ST6GALNAC5: variants seen among roughly 807,000 people sequenced by gnomAD.
ST6GALNAC5 encodes alpha-N-acetylgalactosaminide alpha-2,6-sialyltransferase 5.
Under a neutral mutation model 33.6 loss-of-function variants are expected in ST6GALNAC5, and 27 were observed. The ratio of observed to expected loss-of-function variants is 0.80; its 90% CI spans 0.59 to 1.11. The LOEUF (loss-of-function observed/expected upper bound fraction) is 1.11. ST6GALNAC5 is among the 50% of genes least tolerant of loss of function. The probability of loss-of-function intolerance (pLI) is 0.00; values close to 1 mark genes in which losing one functional copy is unlikely to be tolerated. For synonymous variants in ST6GALNAC5, 194 were observed against 171.2 expected (o/e 1.13, Z -1.04); for missense variants, 428 against 454.0 (o/e 0.94, Z 0.52).
intron 2 of ST6GALNAC5, among the ~76,000 whole-genome samples, chr1:76,902,138 C>T (rs1007987702): frequency 6.6e-6 from 1 of 151,830 alleles, no homozygotes; most frequent in Non-Finnish European, 1.5e-5. Flanking sequence ...AAAGAATACA[C>T]CAAAAATTGT....
At chr1:76,968,209 G>C (rs1008164542) in intron 2 of ST6GALNAC5, among the ~76,000 whole-genome samples, 1 of 152,092 alleles carries the variant, frequency 6.6e-6, no homozygotes, top group Non-Finnish European at 1.5e-5. Flanking sequence ...ATTATTCTGC[G>C]GGAGTCTAAG....
intron 2 of ST6GALNAC5, among the ~76,000 whole-genome samples, chr1:77,016,179 CCCCCTCCTCCTCCTG>C (rs1650836449): frequency 7.4e-4 from 5 of 6,768 alleles, no homozygotes. Context: ...CTCCTGTCCT[CCCCCTCCTCCTCCTG>C]TATCTCCTCC....
Position 77,017,147 on chromosome 1 carries a change from AG to A in ST6GALNAC5, c.262-27055del, listed in dbSNP as rs1255840293. Among the ~76,000 whole-genome samples, 1,026 of 123,808 alleles carry A rather than the reference AG, an allele frequency of 8.3e-3. 15 individuals carry two copies. Among genetic ancestry groups the A allele is most frequent in the African/African-American group, 0.031 (844 of 27,030 alleles). The allele number at this position is 123,808 out of a possible 152,430, so 81.2% of individuals were successfully genotyped here. A position where few individuals can be genotyped will look rare whatever the true frequency, so the allele number is the denominator to read the frequency against. On this transcript the variant is annotated intron_variant, in intron 2 of 4. Transcript: ENST00000477717. ...TGTTTCAGACTCTGTAATCAGGAAA[AG>A]GCAAAAAAAAAAAAAAAAAAGGTAA...
intron 2 of ST6GALNAC5, among the ~76,000 whole-genome samples, chr1:76,925,664 A>G: frequency 6.6e-6 from 1 of 152,234 alleles, no homozygotes; most frequent in South Asian, 2.1e-4. Context: ...ATAATGGATG[A>G]TAATGTTTTA....
At chr1:76,952,684 T>A (rs1401287928) in intron 2 of ST6GALNAC5, among the ~76,000 whole-genome samples, 3 of 152,070 alleles carry the variant, frequency 2.0e-5, no homozygotes, top group East Asian at 3.9e-4. Context: ...TATGTGTCAA[T>A]TTTTTAAAAC....
At chr1:76,981,216 G>A (rs887491979) in intron 2 of ST6GALNAC5, among the ~76,000 whole-genome samples, 14 of 152,142 alleles carry the variant, frequency 9.2e-5, no homozygotes, top group African/African-American at 1.4e-4. Context: ...ATGAGGGGTC[G>A]GGGGATTTCC....
intron 2 of ST6GALNAC5, among the ~76,000 whole-genome samples, chr1:76,893,434 T>C (rs891520398): frequency 3.3e-5 from 5 of 152,190 alleles, no homozygotes; most frequent in African/African-American, 1.2e-4. Flanking sequence ...AATCTTAGAT[T>C]TGCCATTTGC....
At chr1:76,877,045 T>G (rs1384835159) in intron 2 of ST6GALNAC5, among the ~76,000 whole-genome samples, 1 of 152,222 alleles carries the variant, frequency 6.6e-6, no homozygotes, top group South Asian at 2.1e-4. Context: ...CAAAACCCGC[T>G]TTTTGGCTGG....
Position 77,044,545 on chromosome 1 carries a change from C to A in ST6GALNAC5, c.603C>A (p.Ala201=). Residue 201 remains alanine (A), a synonymous_variant, in exon 3 of 5, where the codon GCC becomes GCA. Coordinates refer to ENST00000477717, the MANE Select transcript of ST6GALNAC5 (RefSeq NM_030965.3). ...LLSQVLPRLK[A]FMITRHKMLQ... is the part of the protein sequence containing the mutation. ...GCCAGGTGCTGCCCCGGCTGAAGGC[C>A]TTCATGATTACTCGCCACAAGATGC... is the stretch of plus-strand genomic sequence containing the variant. The A allele has an allele frequency of 6.2e-7, 1 of 1,604,854 alleles. No homozygotes were observed. The highest frequency in any genetic ancestry group is 2.2e-5 in the East Asian group (1 of 44,708).
chr1:77,002,103 G>C (rs1200923835), intron 2 of ST6GALNAC5, among the ~76,000 whole-genome samples: 2 of 152,092 alleles, frequency 1.3e-5, no homozygotes, highest in Admixed American at 1.3e-4. Context: ...GAATTCGGCT[G>C]TGAATCCATC....
At chr1:76,987,230 T>G (rs1254103584) in intron 2 of ST6GALNAC5, among the ~76,000 whole-genome samples, 1 of 151,990 alleles carries the variant, frequency 6.6e-6, no homozygotes, top group Non-Finnish European at 1.5e-5. Context: ...AAGTAGCTAT[T>G]ACAATTCAAT....
At chr1:76,902,016 GAA>G (rs1646822144) in intron 2 of ST6GALNAC5, among the ~76,000 whole-genome samples, 2 of 151,852 alleles carry the variant, frequency 1.3e-5, no homozygotes, top group Admixed American at 6.6e-5. Context: ...CTCATATCCA[GAA>G]AAGTGTTATA....
rs1264591138 is a variant in ST6GALNAC5 at position 77,065,502 on chromosome 1, ATATT to A, written c.*2298_*2301del. On this transcript the variant is annotated 3_prime_UTR_variant, in exon 5 of 5. Coordinates refer to ENST00000477717, the MANE Select transcript of ST6GALNAC5 (RefSeq NM_030965.3). ...ACATGTAGCTAGGATATGTGATTTC[ATATT>A]TTTTAAAAATGTGGTGTAAATAAGT... 6.6e-6 allele frequency: 1 copy of A among 152,224 alleles called. No individual in the cohort carries two copies. The highest frequency in any genetic ancestry group is 1.5e-5 in the Non-Finnish European group (1 of 68,042). The allele number at this position is 152,224 out of a possible 1,614,324, so 9.4% of individuals were successfully genotyped here.
intron 2 of ST6GALNAC5, among the ~76,000 whole-genome samples, chr1:77,022,978 A>G (rs1404043575): frequency 6.6e-6 from 1 of 152,204 alleles, no homozygotes; most frequent in East Asian, 1.9e-4. Context: ...AAGATGCAGG[A>G]CGTACTTAAG....
intron 2 of ST6GALNAC5, among the ~76,000 whole-genome samples, chr1:76,894,901 C>T (rs184625288): frequency 1.1e-4 from 17 of 151,984 alleles, no homozygotes; most frequent in Middle Eastern, 3.4e-3. Context: ...GGGCTGAGTC[C>T]GAAAACAGTC....
At chr1:76,928,473 A>T (rs1450062930) in intron 2 of ST6GALNAC5, among the ~76,000 whole-genome samples, 1 of 152,126 alleles carries the variant, frequency 6.6e-6, no homozygotes, top group Non-Finnish European at 1.5e-5. Flanking sequence ...TCCCAATTTC[A>T]TAGCAATAAA....
At chr1:76,979,476 C>T (rs1649161353) in intron 2 of ST6GALNAC5, among the ~76,000 whole-genome samples, 1 of 152,154 alleles carries the variant, frequency 6.6e-6, no homozygotes, top group Admixed American at 6.6e-5. Context: ...TAAATCTATG[C>T]ATTTACAACC....
intron 2 of ST6GALNAC5, among the ~76,000 whole-genome samples, chr1:76,950,686 T>TC: frequency 6.6e-6 from 1 of 152,234 alleles, no homozygotes; most frequent in Admixed American, 6.5e-5. Context: ...TATTTTTTTT[T>TC]CCAGATTGAA....
At chr1:76,906,267 C>T (rs1420112547) in intron 2 of ST6GALNAC5, among the ~76,000 whole-genome samples, 2 of 152,120 alleles carry the variant, frequency 1.3e-5, no homozygotes, top group Non-Finnish European at 2.9e-5. Context: ...ACACCCCTAA[C>T]CAAAGTGGGC....
Sources: gnomAD v4.1 joint callset for allele counts (sites outside exome capture counted in the v4.1 genomes callset) on GRCh38, gnomAD v4.1.1 for gene constraint, MANE v1.5 for transcripts, NCBI Gene and HGNC (gene_info 2026-07-23, HGNC 2026-07-21) for gene names.